RAP1B: variants seen among roughly 807,000 people sequenced by gnomAD.
The protein encoded by RAP1B is ras-related protein Rap-1b.
A neutral mutation model predicts 27.5 loss-of-function variants in RAP1B; 1 was observed. That is an observed-to-expected ratio of 0.04 (90% CI 0.01 to 0.17). RAP1B has a LOEUF of 0.17. Among genes scored for constraint, RAP1B ranks in the 10% least tolerant of loss-of-function variants. RAP1B has a pLI of 1.00. For synonymous variants in RAP1B, 75 were observed against 73.1 expected, an observed-to-expected ratio of 1.03 and a Z score of -0.13; for missense variants, 84 against 214.8, an observed-to-expected ratio of 0.39 and a Z score of 3.81.
chr12:68,626,774 GT>G (rs368490116), intron 1 of RAP1B: 3,404 of 1,051,794 alleles, frequency 3.2e-3, no homozygotes, highest in Non-Finnish European at 3.4e-3. Flanking sequence ...TTTCCAGGGT[GT>G]TTTTTTTTTG....
intron 1 of RAP1B, among the ~76,000 whole-genome samples, chr12:68,623,751 AGTG>A (rs1383313795): frequency 6.6e-6 from 1 of 152,252 alleles, no homozygotes; most frequent in Non-Finnish European, 1.5e-5. Flanking sequence ...GGCTGGGTGT[AGTG>A]GCTCACGCCT....
At chr12:68,648,816 C>T (rs780145302) in intron 2 of RAP1B, 35 bp downstream of exon 2, 1 of 1,553,794 alleles carries the variant, frequency 6.4e-7, no homozygotes, top group Non-Finnish European at 8.7e-7. Flanking sequence ...GCCTTTCACT[C>T]CAAGACGTTC....
At chr12:68,643,758 C>T (rs1873194341) in intron 1 of RAP1B, among the ~76,000 whole-genome samples, 1 of 152,096 alleles carries the variant, frequency 6.6e-6, no homozygotes, top group African/African-American at 2.4e-5. Flanking sequence ...TATCAGCATT[C>T]TTATAATAAT....
intron 1 of RAP1B, chr12:68,624,673 A>G (rs1300855699): frequency 1.3e-5 from 2 of 152,138 alleles, no homozygotes; most frequent in Non-Finnish European, 2.9e-5. Flanking sequence ...AAAATTAGCC[A>G]GGCATGGTGG....
rs1875091969 is a variant in RAP1B at position 68,671,485 on chromosome 12, A to G, written c.*12236A>G. The stretch of plus-strand genomic sequence containing the variant: ...ATAGAACATTATGCATTCATTTAAA[A>G]ATGAGTTTGATGTTTAAAGGTTGAC... On this transcript the variant is annotated 3_prime_UTR_variant, in exon 8 of 8. Coordinates refer to ENST00000250559, the MANE Select transcript of RAP1B (RefSeq NM_001010942.3). The G allele has an allele frequency of 6.6e-6, 1 of 152,212 alleles. No homozygotes were observed. The highest frequency in any genetic ancestry group is 1.5e-5 in the Non-Finnish European group (1 of 68,040). The allele number at this position is 152,212 out of a possible 1,614,324, so 9.4% of individuals were successfully genotyped here.
chr12:68,626,200 A>G (rs1308469262), intron 1 of RAP1B, among the ~76,000 whole-genome samples: 1 of 152,214 alleles, frequency 6.6e-6, no homozygotes, highest in Non-Finnish European at 1.5e-5. Flanking sequence ...GAAGATATTT[A>G]TGGCATTCTT....
chr12:68,614,967 A>C (rs1341474127), intron 1 of RAP1B, among the ~76,000 whole-genome samples: 2 of 152,228 alleles, frequency 1.3e-5, no homozygotes, highest in African/African-American at 4.8e-5. Flanking sequence ...AATCTGTTGT[A>C]CTTTGAACCC....
chr12:68,619,246 TG>T (rs1297697712), intron 1 of RAP1B, among the ~76,000 whole-genome samples: 2 of 152,254 alleles, frequency 1.3e-5, no homozygotes, highest in African/African-American at 4.8e-5. Flanking sequence ...GGCATTAGGC[TG>T]ACATTTTCTT....
In RAP1B at chr12:68,642,515, T is replaced by C. The variant is rs962987898; in HGVS notation, c.-26-6184T>C. The C allele has an allele frequency of 5.2e-6, 5 of 970,624 alleles. No homozygotes were observed. The African/African-American group carries it at 8.1e-5, about 16-fold the overall frequency. The allele number at this position is 970,624 out of a possible 1,614,324, so 60.1% of individuals were successfully genotyped here. A position where few individuals can be genotyped will look rare whatever the true frequency, so the allele number is the denominator to read the frequency against. On this transcript the variant is annotated intron_variant, in intron 1 of 7. Coordinates refer to ENST00000250559, the MANE Select transcript of RAP1B (RefSeq NM_001010942.3). ...CAGAACTTCCTCCTGGACTCAATTTTATAAATTCTCGATTAGTTGGTGAGG... is the reference window on the plus strand; with the variant it reads ...CAGAACTTCCTCCTGGACTCAATTTCATAAATTCTCGATTAGTTGGTGAGG...
At chr12:68,643,975 T>C (rs954275614) in intron 1 of RAP1B, among the ~76,000 whole-genome samples, 2 of 152,172 alleles carry the variant, frequency 1.3e-5, no homozygotes, top group African/African-American at 4.8e-5. Flanking sequence ...TTTTCTATTA[T>C]AATCTCAAGA....
chr12:68,652,605 A>G (rs1045064084), intron 4 of RAP1B, among the ~76,000 whole-genome samples: 8 of 151,996 alleles, frequency 5.3e-5, no homozygotes, highest in Non-Finnish European at 1.2e-4. Flanking sequence ...ACTTAAGGTG[A>G]GGAGTTCAAG....
At chr12:68,657,265 A>G in intron 7 of RAP1B, 48 bp downstream of exon 7, 2 of 1,191,910 alleles carry the variant, frequency 1.7e-6, no homozygotes, top group South Asian at 1.3e-5. Flanking sequence ...CAACCTTATT[A>G]AGGGCACTCT....
rs887022695 is a variant in RAP1B at position 68,637,610 on chromosome 12, A to C, written c.-26-11089A>C. On this transcript the variant is annotated intron_variant, in intron 1 of 7. Coordinates refer to ENST00000250559, the MANE Select transcript of RAP1B (RefSeq NM_001010942.3). ...GTAAAACTCCATCTCAAAAAAAAAAAAAAAAAAAAAAAAAAAAACAAGATG... is the reference window on the plus strand; with the variant it reads ...GTAAAACTCCATCTCAAAAAAAAAACAAAAAAAAAAAAAAAAAACAAGATG... 1.5e-4 allele frequency among the ~76,000 whole-genome samples: 23 copies of C among 149,540 alleles called. No individual in the cohort carries two copies. In the East Asian group the frequency reaches 4.3e-3, roughly 28 times the overall value.
At chr12:68,650,250 C>G (rs541179077) in intron 2 of RAP1B, 150 bp from the exon 3 acceptor site, 4 of 603,660 alleles carry the variant, frequency 6.6e-6, no homozygotes, top group South Asian at 4.0e-5. Flanking sequence ...AATTTTCTTA[C>G]CAAATGTACA....
chr12:68,642,774 T>TA (rs1470002484), intron 1 of RAP1B: 1 of 1,052,216 alleles, frequency 9.5e-7, no homozygotes, highest in Non-Finnish European at 1.5e-6. Context: ...TTCAGGGCAT[T>TA]AAACTTCTTA....
intron 1 of RAP1B, among the ~76,000 whole-genome samples, chr12:68,644,535 G>A (rs1393544086): frequency 1.3e-5 from 2 of 151,524 alleles, no homozygotes; most frequent in East Asian, 4.0e-4. Flanking sequence ...AGTGAGTCGA[G>A]ATGGCGCCAC....
intron 1 of RAP1B, among the ~76,000 whole-genome samples, chr12:68,638,919 G>A (rs923871698): frequency 3.3e-5 from 5 of 152,016 alleles, no homozygotes; most frequent in Non-Finnish European, 7.4e-5. Context: ...CCTCGGCCCC[G>A]CAAAGTGCTG....
At chr12:68,617,176 G>T (rs1019881472) in intron 1 of RAP1B, among the ~76,000 whole-genome samples, 10 of 152,118 alleles carry the variant, frequency 6.6e-5, no homozygotes, top group Admixed American at 2.6e-4. Context: ...AACTGAAAGG[G>T]TATCAATAAA....
chr12:68,648,521 T>C (rs1440181871), intron 1 of RAP1B, 178 bp from the exon 2 acceptor site: 3 of 572,312 alleles, frequency 5.2e-6, no homozygotes, highest in Non-Finnish European at 9.1e-6. Flanking sequence ...TCTGTAATTC[T>C]GTAGTTTTCT....
Sources: gnomAD v4.1 joint callset for allele counts (sites outside exome capture counted in the v4.1 genomes callset) on GRCh38, gnomAD v4.1.1 for gene constraint, MANE v1.5 for transcripts, NCBI Gene and HGNC (gene_info 2026-07-23, HGNC 2026-07-21) for gene names.